Variants in SCFD1 observed in about 807,000 individuals in gnomAD.
SCFD1 encodes sec1 family domain-containing protein 1.
SCFD1 carries 37 observed loss-of-function variants against 103.2 expected under a neutral mutation model. That is an observed-to-expected ratio of 0.36 (90% CI 0.28 to 0.47). SCFD1 has a LOEUF of 0.47. Among genes scored for constraint, SCFD1 ranks in the 20% least tolerant of loss-of-function variants. SCFD1 has a pLI of 1.00. For missense variants in SCFD1, 639 were observed against 761.2 expected (o/e 0.84, Z 1.89); for synonymous variants, 264 against 245.0 (o/e 1.08, Z -0.73).
intron 18 of SCFD1, 57 bp from the exon 19 acceptor site, chr14:30,707,933 A>G: frequency 8.8e-7 from 1 of 1,132,340 alleles, no homozygotes; most frequent in South Asian, 1.2e-5. Flanking sequence ...TTTATCGATA[A>G]CAGATTGGAG....
intron 4 of SCFD1, chr14:30,634,837 CTG>C (rs749669609): frequency 1.2e-4 from 53 of 455,918 alleles, no homozygotes; most frequent in Non-Finnish European, 2.3e-4. Context: ...GGGACATGGA[CTG>C]TGCCAGCCCT....
At chr14:30,665,652 CAT>C (rs1174926868) in intron 10 of SCFD1, among the ~76,000 whole-genome samples, 9 of 152,112 alleles carry the variant, frequency 5.9e-5, no homozygotes, top group African/African-American at 1.9e-4. Context: ...AGACCCATCA[CAT>C]GTGCAGAGAC....
chr14:30,631,913 G>A (rs1235632572), intron 3 of SCFD1, among the ~76,000 whole-genome samples: 4 of 151,866 alleles, frequency 2.6e-5, no homozygotes, highest in Non-Finnish European at 5.9e-5. Context: ...GGGCATGGTG[G>A]CGTACCCACC....
intron 3 of SCFD1, among the ~76,000 whole-genome samples, chr14:30,633,376 G>A (rs1884379882): frequency 6.6e-6 from 1 of 152,136 alleles, no homozygotes; most frequent in African/African-American, 2.4e-5. Context: ...TCTATAAGAT[G>A]CTTACATTCT....
chr14:30,650,532 T>C lies in SCFD1; in HGVS notation c.670-33T>C, dbSNP rs112559192. 3.3e-6 allele frequency: 4 copies of C among 1,228,868 alleles called. No homozygotes were observed. The African/African-American group carries it at 6.0e-5, about 18-fold the overall frequency. 76.1% of individuals were successfully genotyped at this position (1,228,868 alleles called of 1,614,324 possible). A position where few individuals can be genotyped will look rare whatever the true frequency, so the allele number is the denominator to read the frequency against. ...TAACCTCCATAAAGTTATATGAAACTGTTAAGAGTTAATCTAAAATTTTAT... is the reference window on the plus strand; with the variant it reads ...TAACCTCCATAAAGTTATATGAAACCGTTAAGAGTTAATCTAAAATTTTAT... On this transcript the variant is annotated intron_variant, in intron 8 of 24. Coordinates refer to ENST00000458591, the MANE Select transcript of SCFD1 (RefSeq NM_016106.4).
chr14:30,690,876 C>CA (rs1555356374), intron 14 of SCFD1, among the ~76,000 whole-genome samples: 1 of 152,238 alleles, frequency 6.6e-6, no homozygotes, highest in Non-Finnish European at 1.5e-5. Flanking sequence ...TGAAGAATCT[C>CA]AGTTTATTAT....
In SCFD1 at chr14:30,693,395, T is replaced by C. The variant is rs118082055; in HGVS notation, c.1243-1378T>C. Among the ~76,000 whole-genome samples the C allele has an allele frequency of 3.9e-3, 590 of 152,214 alleles. 2 individuals carry two copies. The highest frequency in any genetic ancestry group is 7.9e-3 in the Admixed American group (121 of 15,280). ...TAAGGCTTCTCAGTATATGTCTTTT[T>C]ATGTTGTATTCATTTTTGAACTATC... On this transcript the variant is annotated intron_variant, in intron 14 of 24. Transcript: ENST00000458591.
chr14:30,655,586 A>T (rs751964398), intron 10 of SCFD1, among the ~76,000 whole-genome samples: 3 of 152,204 alleles, frequency 2.0e-5, no homozygotes, highest in African/African-American at 7.2e-5. Flanking sequence ...AGGCTGTTGC[A>T]GTTATCTTAG....
chr14:30,674,176 C>G (rs184398190), intron 13 of SCFD1, among the ~76,000 whole-genome samples, 179 bp downstream of exon 13: 1 of 152,082 alleles, frequency 6.6e-6, no homozygotes. Context: ...TTAGTTCCCT[C>G]TTAGATATAG....
At chr14:30,636,235 A>G (rs541067644) in intron 4 of SCFD1, among the ~76,000 whole-genome samples, 1 of 149,408 alleles carries the variant, frequency 6.7e-6, no homozygotes, top group East Asian at 1.9e-4. Flanking sequence ...AAGCACAAAC[A>G]TTTTTGATTT....
chr14:30,673,417 GT>G (rs1296578881), intron 12 of SCFD1, 70 bp downstream of exon 12: 4 of 787,340 alleles, frequency 5.1e-6, no homozygotes, highest in South Asian at 2.4e-5. Flanking sequence ...AGAGATTTGG[GT>G]TTTTTTCCTT....
chr14:30,678,250 C>T (rs1437312577), intron 14 of SCFD1, among the ~76,000 whole-genome samples: 1 of 152,148 alleles, frequency 6.6e-6, no homozygotes, highest in Non-Finnish European at 1.5e-5. Context: ...AGTATAACCG[C>T]TTCTTACATT....
intron 16 of SCFD1, 32 bp from the exon 17 acceptor site, chr14:30,702,263 AT>A: frequency 1.4e-6 from 2 of 1,398,940 alleles, no homozygotes; most frequent in Non-Finnish European, 2.0e-6. Flanking sequence ...TGAAAGTAAA[AT>A]TTTTTGTCAT....
chr14:30,684,580 T>C (rs1474307026), intron 14 of SCFD1, among the ~76,000 whole-genome samples: 1 of 152,102 alleles, frequency 6.6e-6, no homozygotes, highest in Non-Finnish European at 1.5e-5. Flanking sequence ...TAGAATTTTT[T>C]TTTAATGAGA....
chr14:30,650,503 G>C, intron 8 of SCFD1, 62 bp from the exon 9 acceptor site: 1 of 954,734 alleles, frequency 1.0e-6, no homozygotes, highest in Non-Finnish European at 1.6e-6. Flanking sequence ...AACACATTTT[G>C]AATTAACCTC....
intron 23 of SCFD1, among the ~76,000 whole-genome samples, chr14:30,728,852 T>C (rs866182078): frequency 0.039 from 5,705 of 145,428 alleles, 137 homozygotes; most frequent in South Asian, 0.07. Context: ...TTTTTTTTTT[T>C]TTTTCCCCCC....
chr14:30,624,936 C>A (rs1883229096), intron 1 of SCFD1, among the ~76,000 whole-genome samples: 1 of 152,102 alleles, frequency 6.6e-6, no homozygotes, highest in South Asian at 2.1e-4. Context: ...CCCTCACTTC[C>A]TTTAGGTCTT....
intron 10 of SCFD1, among the ~76,000 whole-genome samples, chr14:30,661,674 G>A (rs936322446): frequency 2.0e-5 from 3 of 152,082 alleles, no homozygotes; most frequent in African/African-American, 4.8e-5. Context: ...AAATTGTGTC[G>A]TTAGAGGCAT....
chr14:30,647,158 A>G (rs1231501245), intron 7 of SCFD1, among the ~76,000 whole-genome samples: 2 of 152,154 alleles, frequency 1.3e-5, no homozygotes, highest in Non-Finnish European at 2.9e-5. Context: ...TACTATCACT[A>G]ATGGATCAGT....
Sources: gnomAD v4.1 joint callset for allele counts (sites outside exome capture counted in the v4.1 genomes callset) on GRCh38, gnomAD v4.1.1 for gene constraint, MANE v1.5 for transcripts, NCBI Gene and HGNC (gene_info 2026-07-23, HGNC 2026-07-21) for gene names.